Variants in LAMA2 observed in about 807,000 individuals in gnomAD.
LAMA2 encodes the protein laminin subunit alpha 2.
LAMA2 carries 269 observed loss-of-function variants against 364.8 expected under a neutral mutation model. That is an observed-to-expected ratio of 0.74 (90% CI 0.67 to 0.82). LAMA2 has a LOEUF of 0.82. Ranked by LOEUF, LAMA2 falls within the 40% of genes least tolerant of loss-of-function variation. The pLI, the probability that LAMA2 is intolerant of heterozygous loss-of-function variation, is 0.00. For missense variants in LAMA2, 3,807 were observed against 3,873.2 expected (o/e 0.98, Z 0.45); for synonymous variants, 1,379 against 1,370.6 (o/e 1.01, Z -0.14).
chr6:128,945,303 G>A (rs1027858461), intron 1 of LAMA2, among the ~76,000 whole-genome samples: 2 of 152,140 alleles, frequency 1.3e-5, no homozygotes, highest in African/African-American at 4.8e-5. Context: ...TTGTCAGTAA[G>A]ATGCATTTGT....
intron 4 of LAMA2, among the ~76,000 whole-genome samples, chr6:129,131,678 T>A (rs1777482404): frequency 6.6e-6 from 1 of 152,176 alleles, no homozygotes; most frequent in Admixed American, 6.5e-5. Context: ...AACTAGTAAA[T>A]AGATGATTAG....
At chr6:128,924,878 A>C (rs1382004891) in intron 1 of LAMA2, among the ~76,000 whole-genome samples, 8 of 152,340 alleles carry the variant, frequency 5.3e-5, no homozygotes, top group African/African-American at 1.7e-4. Context: ...CAGAATATAC[A>C]TGCTTAAGTT....
chr6:129,284,950 G>A (rs746456796), intron 18 of LAMA2, among the ~76,000 whole-genome samples: 15 of 152,072 alleles, frequency 9.9e-5, no homozygotes, highest in Non-Finnish European at 1.5e-4. Context: ...CAAGATATCC[G>A]TTTCTAGCAA....
At chr6:129,216,157 A>G (rs1443811489) in intron 12 of LAMA2, among the ~76,000 whole-genome samples, 2 of 152,184 alleles carry the variant, frequency 1.3e-5, no homozygotes, top group Admixed American at 6.5e-5. Context: ...CTGATTACAC[A>G]ACTGCAGTCT....
At chr6:129,385,628 G>A (rs7769749) in intron 35 of LAMA2, among the ~76,000 whole-genome samples, 14,466 of 151,990 alleles carry the variant, frequency 0.095, 792 homozygotes, top group Admixed American at 0.15. Context: ...TTCATCTAAG[G>A]CATTCTTATC....
chr6:128,975,013 A>C (rs1208733631), intron 1 of LAMA2, among the ~76,000 whole-genome samples: 3 of 151,838 alleles, frequency 2.0e-5, no homozygotes, highest in Non-Finnish European at 2.9e-5. Flanking sequence ...CACCATGCCC[A>C]GCTAATTTTT....
Position 129,312,848 on chromosome 6 carries a change from A to G in LAMA2, c.3175-13A>G. 6.3e-7 allele frequency: 1 copy of G among 1,590,734 alleles called. No individual in the cohort carries two copies. The highest frequency in any genetic ancestry group is 2.2e-5 in the East Asian group (1 of 44,784). ...AGTTGTGTTAATGGTTGCTGTTTTTATCTCCTCTATAGGCTTGTAACTGCA... is the reference window on the plus strand; with the variant it reads ...AGTTGTGTTAATGGTTGCTGTTTTTGTCTCCTCTATAGGCTTGTAACTGCA... On this transcript the variant is annotated splice_polypyrimidine_tract_variant and intron_variant, in intron 22 of 64. Transcript: ENST00000421865.
chr6:129,109,624 T>G (rs1776027872), intron 4 of LAMA2, among the ~76,000 whole-genome samples: 1 of 151,954 alleles, frequency 6.6e-6, no homozygotes, highest in East Asian at 1.9e-4. Context: ...TTAAATGACT[T>G]AAAAGATATA....
intron 9 of LAMA2, among the ~76,000 whole-genome samples, chr6:129,175,978 G>A (rs747092026): frequency 6.6e-6 from 1 of 151,136 alleles, no homozygotes; most frequent in African/African-American, 2.4e-5. Flanking sequence ...TTTACTTCCT[G>A]TGGTGTTTAT....
intron 3 of LAMA2, among the ~76,000 whole-genome samples, chr6:129,093,400 C>G (rs962644281): frequency 2.6e-5 from 4 of 151,838 alleles, no homozygotes; most frequent in Non-Finnish European, 2.9e-5. Flanking sequence ...TATTAAGCTG[C>G]AGGGAAGGGT....
At chr6:128,987,186 T>C (rs1290268231) in intron 1 of LAMA2, among the ~76,000 whole-genome samples, 7 of 139,596 alleles carry the variant, frequency 5.0e-5, no homozygotes, top group Non-Finnish European at 1.1e-4. Context: ...TCACCCAGGC[T>C]GGAGTGCAGT....
chr6:129,409,370 G>C (rs912287369), intron 40 of LAMA2, among the ~76,000 whole-genome samples: 6 of 152,176 alleles, frequency 3.9e-5, no homozygotes, highest in Non-Finnish European at 4.4e-5. Context: ...AGGAGTGGAG[G>C]CCATGGGCGT....
chr6:128,893,083 A>G (rs1380706548), intron 1 of LAMA2, among the ~76,000 whole-genome samples: 1 of 151,968 alleles, frequency 6.6e-6, no homozygotes, highest in Admixed American at 6.6e-5. Flanking sequence ...CTGGATTTGT[A>G]ATTGGAATTC....
chr6:129,263,490 G>A (rs1787281572), intron 15 of LAMA2, among the ~76,000 whole-genome samples: 2 of 152,090 alleles, frequency 1.3e-5, no homozygotes, highest in Non-Finnish European at 2.9e-5. Flanking sequence ...GAGGGACAAC[G>A]ATGTAAAACC....
At chr6:129,271,657 T>G (rs577861393) in intron 17 of LAMA2, among the ~76,000 whole-genome samples, 1 of 152,028 alleles carries the variant, frequency 6.6e-6, no homozygotes, top group East Asian at 1.9e-4. Flanking sequence ...ATAACTATAC[T>G]TTTAAATAAA....
chr6:129,315,436 G>A lies in LAMA2; in HGVS notation c.3556-40G>A, dbSNP rs199773732. Reference sequence around the variant, plus strand: ...ACTTAGTTTTAAAGAAATGTCCAAAGCGTAAATTCAGCCTTCTGCTGTATT... The same window carrying A: ...ACTTAGTTTTAAAGAAATGTCCAAAACGTAAATTCAGCCTTCTGCTGTATT... On this transcript the variant is annotated intron_variant, in intron 24 of 64. Coordinates refer to ENST00000421865, the MANE Select transcript of LAMA2 (RefSeq NM_000426.4). 8 of 1,581,798 alleles carry A rather than the reference G, an allele frequency of 5.1e-6. No individual in the cohort carries two copies. The South Asian group carries it at 5.5e-5, about 11-fold the overall frequency.
chr6:129,040,737 A>T (rs1250548045), intron 1 of LAMA2, among the ~76,000 whole-genome samples: 1 of 152,232 alleles, frequency 6.6e-6, no homozygotes, highest in East Asian at 1.9e-4. Flanking sequence ...GTCTTTCCCC[A>T]GTGATTTTAT....
intron 4 of LAMA2, among the ~76,000 whole-genome samples, chr6:129,132,194 T>G (rs1268911535): frequency 1.4e-5 from 2 of 141,708 alleles, no homozygotes; most frequent in Non-Finnish European, 3.0e-5. Flanking sequence ...TGAGACAGAG[T>G]CTCGCTCTGT....
chr6:129,485,048 T>C (rs999335283), intron 55 of LAMA2, among the ~76,000 whole-genome samples: 3 of 152,214 alleles, frequency 2.0e-5, no homozygotes, highest in Non-Finnish European at 4.4e-5. Flanking sequence ...TAATAAGCAC[T>C]AAATAAATAT....
Sources: allele counts gnomAD v4.1 joint callset (sites outside exome capture counted in the v4.1 genomes callset), GRCh38; gene constraint gnomAD v4.1.1; transcripts MANE v1.5; gene names NCBI Gene and HGNC (gene_info 2026-07-23, HGNC 2026-07-21).